Variants in EPM2A observed in about 807,000 individuals in gnomAD.
The protein encoded by EPM2A is laforin.
EPM2A carries 21 observed loss-of-function variants against 26.5 expected under a neutral mutation model. The observed-to-expected ratio is 0.79, with a 90% CI of 0.56 to 1.14. EPM2A has a LOEUF of 1.14. Among genes scored for constraint, EPM2A ranks in the 50% most tolerant of loss-of-function variants. The probability of loss-of-function intolerance (pLI) is 0.00; values close to 1 mark genes in which losing one functional copy is unlikely to be tolerated. For missense variants in EPM2A, 458 were observed against 440.8 expected (o/e 1.04, Z -0.35); for synonymous variants, 217 against 177.6 (o/e 1.22, Z -1.76).
At chr6:145,535,018 G>T (rs1371982273) in intron 2 of EPM2A, among the ~76,000 whole-genome samples, 6 of 152,144 alleles carry the variant, frequency 3.9e-5, no homozygotes, top group Admixed American at 6.5e-5. Flanking sequence ...CAACCAATTT[G>T]ACATATGATC....
At chr6:145,681,465 C>T (rs888163537) in intron 2 of EPM2A, among the ~76,000 whole-genome samples, 4 of 149,410 alleles carry the variant, frequency 2.7e-5, no homozygotes, top group African/African-American at 9.9e-5. Context: ...GAAGTCCTTG[C>T]CCATGCCTAT....
rs530804692 is a variant in EPM2A at position 145,392,671 on chromosome 6, C to G, written c.556-8574G>C. Among the ~76,000 whole-genome samples the G allele has an allele frequency of 2.3e-4, 35 of 152,188 alleles. No individual in the cohort carries two copies. The South Asian group carries it at 6.7e-3, about 29-fold the overall frequency. On this transcript the variant is annotated intron_variant, in intron 4 of 4. Coordinates refer to the EPM2A transcript ENST00000638717. Reference sequence around the variant, plus strand: ...TGACTATTATCAAGGACTTCCCTAACCCTAAAACAGACTCAGTTGAATTTG... The same window carrying G: ...TGACTATTATCAAGGACTTCCCTAAGCCTAAAACAGACTCAGTTGAATTTG...
chr6:145,657,388 C>A (rs1219863538), intron 2 of EPM2A, among the ~76,000 whole-genome samples: 1 of 152,136 alleles, frequency 6.6e-6, no homozygotes, highest in East Asian at 1.9e-4. Context: ...TGCACCCAGC[C>A]TTTTCCTATT....
intron 4 of EPM2A, among the ~76,000 whole-genome samples, chr6:145,459,581 T>C (rs1238289678): frequency 6.6e-6 from 1 of 152,204 alleles, no homozygotes; most frequent in Middle Eastern, 3.2e-3. Context: ...AATATTCAAA[T>C]AATTTGATAA....
At chr6:145,674,063 G>A (rs896640024) in intron 2 of EPM2A, among the ~76,000 whole-genome samples, 4 of 152,114 alleles carry the variant, frequency 2.6e-5, no homozygotes, top group Non-Finnish European at 4.4e-5. Context: ...TCATACAGGC[G>A]GGTGCCCCTC....
chr6:145,557,263 C>T (rs1780739681), intron 2 of EPM2A, among the ~76,000 whole-genome samples: 1 of 151,974 alleles, frequency 6.6e-6, no homozygotes, highest in African/African-American at 2.4e-5. Flanking sequence ...TAGCAAGAAG[C>T]AGAGAGTGAG....
rs1779909180 is a variant in EPM2A, at chr6:145,502,702, A to G, written c.341-127T>C. On this transcript the variant is annotated intron_variant, in intron 2 of 3. Coordinates refer to the EPM2A transcript ENST00000450221. ...AACAGTGACTATTTCCTATCATGTA[A>G]TATACATAGTATTTAGCAAATTAGA... The G allele has an allele frequency of 5.6e-5, 22 of 390,710 alleles. 1 individual carries two copies. The highest frequency in any genetic ancestry group is 4.1e-4 in the South Asian group (22 of 53,174). 24.2% of individuals were successfully genotyped at this position (390,710 alleles called of 1,614,324 possible). A position where few individuals can be genotyped will look rare whatever the true frequency, so the allele number is the denominator to read the frequency against.
chr6:145,417,452 A>C (rs1778724173), intron 4 of EPM2A, among the ~76,000 whole-genome samples: 1 of 152,154 alleles, frequency 6.6e-6, no homozygotes. Flanking sequence ...TGAGTTCGTC[A>C]GGCTCAGGGG....
chr6:145,471,834 C>T (rs1779477885), intron 4 of EPM2A, among the ~76,000 whole-genome samples: 1 of 152,028 alleles, frequency 6.6e-6, no homozygotes, highest in African/African-American at 2.4e-5. Flanking sequence ...AAAAGGACTG[C>T]AACTCATTGG....
At chr6:145,695,285 C>A (rs1396215349) in intron 1 of EPM2A, among the ~76,000 whole-genome samples, 2 of 151,812 alleles carry the variant, frequency 1.3e-5, no homozygotes, top group Admixed American at 6.6e-5. Flanking sequence ...CAAAGCAAAA[C>A]CCTATTATAC....
chr6:145,603,220 T>C (rs961668003), intron 2 of EPM2A, among the ~76,000 whole-genome samples: 1 of 151,524 alleles, frequency 6.6e-6, no homozygotes, highest in Non-Finnish European at 1.5e-5. Flanking sequence ...CCCAAACCTA[T>C]GAAATTCTTT....
At chr6:145,686,428 T>C in intron 1 of EPM2A, 132 bp from the exon 2 acceptor site, 1 of 737,468 alleles carries the variant, frequency 1.4e-6, no homozygotes, top group Non-Finnish European at 2.3e-6. Flanking sequence ...CATTTCAGTA[T>C]AAACAAAAAA....
chr6:145,732,239 G>A (rs928466909), intron 1 of EPM2A, among the ~76,000 whole-genome samples: 14 of 108,966 alleles, frequency 1.3e-4, no homozygotes, highest in Admixed American at 4.4e-4. Context: ...GTGTGTGTGC[G>A]CGCCAAAGTA....
chr6:145,495,860 C>T (rs1337165385), intron 4 of EPM2A, among the ~76,000 whole-genome samples: 1 of 152,204 alleles, frequency 6.6e-6, no homozygotes, highest in Non-Finnish European at 1.5e-5. Flanking sequence ...CAGGCGTGAG[C>T]CACTGCGCCT....
chr6:145,472,742 A>G (rs1256794590), intron 4 of EPM2A, among the ~76,000 whole-genome samples: 1 of 152,152 alleles, frequency 6.6e-6, no homozygotes, highest in African/African-American at 2.4e-5. Context: ...TAGCTCAGCC[A>G]CAATACAATA....
chr6:145,454,366 A>G (rs893080745), intron 4 of EPM2A, among the ~76,000 whole-genome samples: 1 of 152,216 alleles, frequency 6.6e-6, no homozygotes, highest in Non-Finnish European at 1.5e-5. Flanking sequence ...CAGATCAGCA[A>G]GCCCCAAAGC....
At chr6:145,697,615 C>T (rs551058171) in intron 1 of EPM2A, among the ~76,000 whole-genome samples, 10 of 152,224 alleles carry the variant, frequency 6.6e-5, no homozygotes, top group South Asian at 2.1e-4. Context: ...CCCCCCGAAG[C>T]GGCCATTTTA....
At position 145,735,282 on chromosome 6, in the gene EPM2A, G is replaced by C. The variant is rs1165179833; in HGVS notation, c.217C>G (p.Gln73Glu). 6.7e-7 allele frequency: 1 copy of C among 1,494,698 alleles called. No individual in the cohort carries two copies. The highest frequency in any genetic ancestry group is 2.8e-5 in the East Asian group (1 of 35,172). 92.6% of individuals were successfully genotyped at this position (1,494,698 alleles called of 1,614,324 possible). ...EVELAAEEAA[Q>E]DGAEPGRVDT... is the part of the protein sequence containing the mutation. Reference sequence around the variant, plus strand: ...ACGCGGCCCGGCTCCGCCCCGTCCTGCGCCGCCTCCTCGGCCGCCAGCTCC... The same window carrying C: ...ACGCGGCCCGGCTCCGCCCCGTCCTCCGCCGCCTCCTCGGCCGCCAGCTCC... The change falls in exon 1 of 4, where the codon CAG becomes GAG. Residue 73 changes from glutamine (Q) to glutamate (E), a missense_variant. Gln to Glu is a conservative substitution (Grantham distance 29). Coordinates refer to ENST00000367519, the MANE Select transcript of EPM2A (RefSeq NM_005670.4).
intron 1 of EPM2A, among the ~76,000 whole-genome samples, chr6:145,697,440 A>T (rs1052311615): frequency 3.9e-5 from 6 of 152,162 alleles, no homozygotes; most frequent in Non-Finnish European, 8.8e-5. Flanking sequence ...TTTCGGGCAC[A>T]CATTGTCAAT....
Sources: gnomAD v4.1 joint callset for allele counts (sites outside exome capture counted in the v4.1 genomes callset) on GRCh38, gnomAD v4.1.1 for gene constraint, MANE v1.5 for transcripts, NCBI Gene and HGNC (gene_info 2026-07-23, HGNC 2026-07-21) for gene names.